UPP2: variants seen among roughly 807,000 people sequenced by gnomAD.
UPP2 encodes uridine phosphorylase 2, also known as UPase 2.
In UPP2, 23 loss-of-function variants were observed where a neutral mutation model predicts 26.7. The observed-to-expected ratio is 0.86, with a 90% CI of 0.62 to 1.22. UPP2 has a LOEUF of 1.22. Ranked by LOEUF, UPP2 falls within the 50% of genes most tolerant of loss-of-function variation. UPP2 has a pLI of 0.00. For missense variants in UPP2, 387 were observed against 396.7 expected (o/e 0.98, Z 0.21); for synonymous variants, 127 against 141.3 (o/e 0.90, Z 0.72).
At chr2:158,076,775 G>A (rs1682637043) in intron 3 of UPP2, among the ~76,000 whole-genome samples, 1 of 151,930 alleles carries the variant, frequency 6.6e-6, no homozygotes. Flanking sequence ...AAAGATGCCT[G>A]CTTTCACCAC....
chr2:158,054,933 TC>T (rs1000272608), intron 3 of UPP2, among the ~76,000 whole-genome samples: 17 of 152,304 alleles, frequency 1.1e-4, no homozygotes, highest in Middle Eastern at 3.4e-3. Context: ...AAACTGAAAC[TC>T]CGTACCCATT....
rs531406125 is a variant in UPP2, at chr2:158,072,944, T to C, written c.148-29096T>C. Among the ~76,000 whole-genome samples the C allele has an allele frequency of 3.9e-5, 6 of 152,064 alleles. No individual in the cohort carries two copies. The South Asian group carries it at 8.3e-4, about 21-fold the overall frequency. Reference sequence around the variant, plus strand: ...AGGCACTGATGAACACCCCCAAGTATCAAGACCATCCAGGAAAACTTGACT... The same window carrying C: ...AGGCACTGATGAACACCCCCAAGTACCAAGACCATCCAGGAAAACTTGACT... On this transcript the variant is annotated intron_variant, in intron 3 of 9. Transcript: ENST00000605860.
intron 2 of UPP2, among the ~76,000 whole-genome samples, chr2:157,998,607 G>C (rs1323865566): frequency 1.3e-5 from 2 of 152,110 alleles, no homozygotes; most frequent in East Asian, 3.9e-4. Context: ...TTCGATATCA[G>C]CTTGGACAAC....
rs1434633065 is a variant in UPP2 at position 158,036,084 on chromosome 2, T to C, written c.147+20198T>C. 5.3e-5 allele frequency among the ~76,000 whole-genome samples: 8 copies of C among 152,192 alleles called. 1 individual carries two copies. The highest frequency in any genetic ancestry group is 5.2e-4 in the Admixed American group (8 of 15,284). On this transcript the variant is annotated intron_variant, in intron 3 of 9. Transcript: ENST00000605860. ...CCTAAAAGAACTCAAGCTCACAAGC[T>C]TGGAAAGTAGCAGTGATGATTTAAA...
chr2:158,068,781 TATATATATATATATATATATA>T (rs1328090725), intron 3 of UPP2, among the ~76,000 whole-genome samples: 3 of 10,136 alleles, frequency 3.0e-4, no homozygotes, highest in Non-Finnish European at 4.5e-4. Context: ...TATATATATA[TATATATATATATATATATATA>T]TTTTTTTTTT....
chr2:158,097,236 C>A (rs115479532), upstream of UPP2, among the ~76,000 whole-genome samples: 2,059 of 152,146 alleles, frequency 0.014, 51 homozygotes, highest in African/African-American at 0.047. Flanking sequence ...TGGAGACAGA[C>A]CCTTTCTGGA....
intron 6 of UPP2, among the ~76,000 whole-genome samples, chr2:158,132,646 A>C (rs1039611875): frequency 1.8e-4 from 27 of 152,248 alleles, no homozygotes; most frequent in African/African-American, 6.5e-4. Flanking sequence ...GATAAGAGGT[A>C]ATACACAGAA....
At chr2:158,056,424 G>C (rs1268429077) in intron 3 of UPP2, among the ~76,000 whole-genome samples, 6 of 152,124 alleles carry the variant, frequency 3.9e-5, no homozygotes, top group African/African-American at 7.2e-5. Flanking sequence ...TCTGTTCCAG[G>C]ATCCAGTATT....
At chr2:158,002,962 T>C (rs771508099) in intron 2 of UPP2, among the ~76,000 whole-genome samples, 1 of 152,108 alleles carries the variant, frequency 6.6e-6, no homozygotes, top group African/African-American at 2.4e-5. Context: ...TGCAAATGAC[T>C]AGCTAAATGG....
intron 2 of UPP2, among the ~76,000 whole-genome samples, chr2:158,001,525 C>A (rs1683407494): frequency 6.6e-6 from 1 of 152,144 alleles, no homozygotes; most frequent in Admixed American, 6.6e-5. Context: ...CAATAAGAAG[C>A]TATAGTGCAA....
rs190629576 is a variant in UPP2 at position 158,027,424 on chromosome 2, C to A, written c.147+11538C>A. On this transcript the variant is annotated intron_variant, in intron 3 of 9. Coordinates refer to the UPP2 transcript ENST00000605860. ...AAAGCGCCAAAATGATCTCTTTTGA[C>A]TCCAGGTCTCACATCCAGGTCACAC... is the stretch of plus-strand genomic sequence containing the variant. Among the ~76,000 whole-genome samples the A allele has an allele frequency of 3.3e-3, 497 of 152,318 alleles. 1 individual carries two copies. The highest frequency in any genetic ancestry group is 0.012 in the African/African-American group (480 of 41,560).
chr2:158,058,251 C>T (rs1682284624), intron 3 of UPP2, among the ~76,000 whole-genome samples: 1 of 146,868 alleles, frequency 6.8e-6, no homozygotes, highest in African/African-American at 2.5e-5. Flanking sequence ...CGAGATTGTG[C>T]CACTGCATGC....
In UPP2 at chr2:158,135,013, T is replaced by G. The variant is rs2074954; in HGVS notation, c.*123T>G. The stretch of plus-strand genomic sequence containing the variant: ...CATCCACATGCTAAATGGAAAGACT[T>G]TATGAAATCCTTCTCTCTTAAAAAG... On this transcript the variant is annotated 3_prime_UTR_variant, in exon 7 of 7. Transcript: ENST00000005756. The G allele has an allele frequency of 0.056, 65,391 of 1,162,114 alleles. 2,691 individuals are homozygous for G. The highest frequency in any genetic ancestry group is 0.23 in the East Asian group (8,039 of 35,112). The allele number at this position is 1,162,114 out of a possible 1,614,324, so 72.0% of individuals were successfully genotyped here.
chr2:158,012,589 A>G (rs1455892447), intron 2 of UPP2, among the ~76,000 whole-genome samples: 1 of 152,186 alleles, frequency 6.6e-6, no homozygotes, highest in Non-Finnish European at 1.5e-5. Flanking sequence ...AAAATTATGA[A>G]TAACATTGTG....
intron 3 of UPP2, among the ~76,000 whole-genome samples, chr2:158,080,471 T>G (rs1682705374): frequency 6.6e-6 from 1 of 152,204 alleles, no homozygotes; most frequent in African/African-American, 2.4e-5. Flanking sequence ...GTACTGTTTT[T>G]CTTGCTTCCA....
chr2:158,049,581 T>C (rs1179894223), intron 3 of UPP2, among the ~76,000 whole-genome samples: 1 of 152,214 alleles, frequency 6.6e-6, no homozygotes, highest in Non-Finnish European at 1.5e-5. Context: ...GTGAGCTTTT[T>C]CCTCTACTGT....
chr2:158,036,548 C>T (rs1684003065), intron 3 of UPP2, among the ~76,000 whole-genome samples: 4 of 152,138 alleles, frequency 2.6e-5, no homozygotes, highest in Admixed American at 2.6e-4. Flanking sequence ...GCCAGTGGTG[C>T]CATTTTATGT....
intron 6 of UPP2, among the ~76,000 whole-genome samples, chr2:158,124,634 T>C (rs1449113967): frequency 6.6e-6 from 1 of 152,142 alleles, no homozygotes; most frequent in Non-Finnish European, 1.5e-5. Context: ...CGCAGTAGTC[T>C]AGTGAGAGTT....
At chr2:158,036,118 T>C (rs1683996967) in intron 3 of UPP2, among the ~76,000 whole-genome samples, 1 of 152,186 alleles carries the variant, frequency 6.6e-6, no homozygotes, top group African/African-American at 2.4e-5. Context: ...AAAAACAAAA[T>C]ACTCAACTTT....
Sources: allele counts gnomAD v4.1 joint callset (sites outside exome capture counted in the v4.1 genomes callset), GRCh38; gene constraint gnomAD v4.1.1; transcripts MANE v1.5; gene names NCBI Gene and HGNC (gene_info 2026-07-23, HGNC 2026-07-21).